STK38L: variants seen among roughly 807,000 people sequenced by gnomAD.
STK38L encodes serine/threonine kinase 38 like.
In STK38L, 28 loss-of-function variants were observed where a neutral mutation model predicts 59.7. The ratio of observed to expected loss-of-function variants is 0.47; its 90% CI spans 0.35 to 0.64. The LOEUF is 0.64. Ranked by LOEUF, STK38L falls within the 30% of genes least tolerant of loss-of-function variation. STK38L has a pLI of 0.01. For missense variants in STK38L, 314 were observed against 555.8 expected (o/e 0.56, Z 4.37); for synonymous variants, 162 against 176.8 (o/e 0.92, Z 0.66).
intron 1 of STK38L, among the ~76,000 whole-genome samples, chr12:27,284,911 A>G (rs1028794923): frequency 1.3e-5 from 2 of 152,218 alleles, no homozygotes; most frequent in Non-Finnish European, 1.5e-5. Flanking sequence ...GCGGAAGTCA[A>G]GTGGTCTGTG....
At chr12:27,244,353 C>A (rs1414389271) in intron 1 of STK38L, 21 bp downstream of exon 1, 1 of 152,338 alleles carries the variant, frequency 6.6e-6, no homozygotes, top group Admixed American at 6.5e-5. Flanking sequence ...GGATGTAGCG[C>A]TCGGCTGAGG....
At chr12:27,317,587 A>C in intron 10 of STK38L, 134 bp downstream of exon 10, 1 of 806,720 alleles carries the variant, frequency 1.2e-6, no homozygotes, top group South Asian at 1.8e-5. Context: ...CCCAATGTTA[A>C]ATACATACTG....
chr12:27,254,310 TCTCTA>T (rs1170619744), intron 1 of STK38L, among the ~76,000 whole-genome samples: 3 of 152,324 alleles, frequency 2.0e-5, no homozygotes, highest in African/African-American at 4.8e-5. Context: ...TCTTTTCTCC[TCTCTA>T]CTCTAAGCCT....
chr12:27,309,511 C>T (rs929244715), intron 5 of STK38L, among the ~76,000 whole-genome samples: 1 of 152,182 alleles, frequency 6.6e-6, no homozygotes, highest in East Asian at 1.9e-4. Context: ...TCTGGTGAGG[C>T]CTCTCTTCCT....
chr12:27,271,739 A>T (rs1943427513), intron 1 of STK38L, among the ~76,000 whole-genome samples: 1 of 152,120 alleles, frequency 6.6e-6, no homozygotes, highest in South Asian at 2.1e-4. Flanking sequence ...TTGCTCTGTC[A>T]CCCAGGCTGG....
intron 1 of STK38L, among the ~76,000 whole-genome samples, chr12:27,287,832 A>G (rs1943807912): frequency 6.6e-6 from 1 of 152,088 alleles, no homozygotes; most frequent in South Asian, 2.1e-4. Context: ...TCCTCTTCCC[A>G]TAATCTATGA....
At chr12:27,267,257 A>G (rs1365664507) in intron 1 of STK38L, among the ~76,000 whole-genome samples, 3 of 152,164 alleles carry the variant, frequency 2.0e-5, no homozygotes, top group Non-Finnish European at 4.4e-5. Flanking sequence ...ATAAAGGAAA[A>G]TGAAACATCA....
chr12:27,281,952 C>T lies in STK38L; in HGVS notation c.-11-15758C>T, dbSNP rs558186504. Among the ~76,000 whole-genome samples, 7 of 152,294 alleles carry T rather than the reference C, an allele frequency of 4.6e-5. No homozygotes were observed. In the East Asian group the frequency reaches 1.2e-3, roughly 25 times the overall value. ...TTGGGAGGCTGATACCGGAGAATTG[C>T]TTTAACCCGGGAGGCTGAGGCTGCA... On this transcript the variant is annotated intron_variant, in intron 1 of 13. Coordinates refer to ENST00000389032, the MANE Select transcript of STK38L (RefSeq NM_015000.4).
intron 12 of STK38L, among the ~76,000 whole-genome samples, chr12:27,320,686 TATA>T (rs757956529): frequency 1.3e-4 from 20 of 152,038 alleles, no homozygotes; most frequent in Non-Finnish European, 2.5e-4. Flanking sequence ...ATATAAGCTC[TATA>T]AAATAGGAAC....
Position 27,308,890 on chromosome 12 carries a change from A to ATATT in STK38L, c.310-224_310-223insTATT, listed in dbSNP as rs1193148530. Among the ~76,000 whole-genome samples, 3 of 145,484 alleles carry ATATT rather than the reference A, an allele frequency of 2.1e-5. No individual in the cohort carries two copies. The highest frequency in any genetic ancestry group is 3.0e-5 in the Non-Finnish European group (2 of 66,374). ...TATAAATATAAATATATATAAATGT[A>ATATT]AATATATAAATATATATAAATATAT... On this transcript the variant is annotated intron_variant, in intron 4 of 13. Coordinates refer to ENST00000389032, the MANE Select transcript of STK38L (RefSeq NM_015000.4). The surrounding 1 kb of genome is among the most constrained non-coding windows in gnomAD (Gnocchi z 4.5).
chr12:27,265,720 T>G (rs939800725), intron 1 of STK38L, among the ~76,000 whole-genome samples: 2 of 152,246 alleles, frequency 1.3e-5, no homozygotes, highest in African/African-American at 4.8e-5. Flanking sequence ...TTGGCTGTAA[T>G]GAAAGTATTG....
chr12:27,308,220 T>C lies in STK38L; in HGVS notation c.187-119T>C, dbSNP rs1944362424. 3.2e-6 allele frequency: 3 copies of C among 927,352 alleles called. No homozygotes were observed. Among genetic ancestry groups the C allele is most frequent in the Non-Finnish European group, 4.3e-6 (3 of 694,908 alleles). The allele number at this position is 927,352 out of a possible 1,614,324, so 57.4% of individuals were successfully genotyped here. A position where few individuals can be genotyped will look rare whatever the true frequency, so the allele number is the denominator to read the frequency against. On this transcript the variant is annotated intron_variant, in intron 3 of 13. Transcript: ENST00000389032. The surrounding 1 kb of genome is among the most constrained non-coding windows in gnomAD (Gnocchi z 4.5). ...TTTTCTTTAAATTGTTTTAGCCTAA[T>C]AGTATATTACATATTAGTGCTATCA...
intron 1 of STK38L, among the ~76,000 whole-genome samples, chr12:27,276,357 A>T (rs1231698168): frequency 1.3e-5 from 2 of 152,214 alleles, no homozygotes; most frequent in Non-Finnish European, 2.9e-5. Flanking sequence ...AGTCATGATA[A>T]TTGAAACAAA....
chr12:27,287,609 T>C (rs1943802555), intron 1 of STK38L, among the ~76,000 whole-genome samples: 1 of 152,206 alleles, frequency 6.6e-6, no homozygotes, highest in Non-Finnish European at 1.5e-5. Context: ...ATCTATATTT[T>C]CCTCTAATTT....
chr12:27,325,788 A>C lies in STK38L; in HGVS notation c.*3333A>C, dbSNP rs1388238141. On this transcript the variant is annotated 3_prime_UTR_variant, in exon 14 of 14. Coordinates refer to ENST00000389032, the MANE Select transcript of STK38L (RefSeq NM_015000.4). ...TGCTTTAAAAAGGAATAAAGTAATA[A>C]AAATATATCTCAGCTATTTTTTTAA... The C allele has an allele frequency of 6.6e-6, 1 of 152,184 alleles. No individual in the cohort carries two copies. The highest frequency in any genetic ancestry group is 1.5e-5 in the Non-Finnish European group (1 of 68,022). The allele number at this position is 152,184 out of a possible 1,614,324, so 9.4% of individuals were successfully genotyped here. A position where few individuals can be genotyped will look rare whatever the true frequency, so the allele number is the denominator to read the frequency against.
At chr12:27,247,917 C>G (rs1320796631) in intron 1 of STK38L, among the ~76,000 whole-genome samples, 1 of 151,234 alleles carries the variant, frequency 6.6e-6, no homozygotes, top group Non-Finnish European at 1.5e-5. Context: ...CAGGCTCAAG[C>G]GATCCTCCCA....
intron 1 of STK38L, among the ~76,000 whole-genome samples, chr12:27,259,454 C>T (rs115555299): frequency 9.4e-4 from 143 of 152,164 alleles, no homozygotes; most frequent in African/African-American, 3.3e-3. Flanking sequence ...TTTTTGCTGT[C>T]GTTCTCCTAG....
chr12:27,294,249 G>C (rs575991999), intron 1 of STK38L, among the ~76,000 whole-genome samples: 11 of 151,734 alleles, frequency 7.2e-5, no homozygotes, highest in Admixed American at 3.9e-4. Flanking sequence ...GCTAGGCAAG[G>C]TGGCTTGTAC....
chr12:27,252,201 A>G lies in STK38L; in HGVS notation c.-12+7869A>G, dbSNP rs542505036. ...TCACCGTGTTAGCCAGGATGGTCTC[A>G]ATCTCCTGACCTCGTGATCCGCCTG... is the stretch of plus-strand genomic sequence containing the variant. On this transcript the variant is annotated intron_variant, in intron 1 of 13. Transcript: ENST00000389032. Among the ~76,000 whole-genome samples, 1,051 of 152,164 alleles carry G rather than the reference A, an allele frequency of 6.9e-3. 6 individuals are homozygous for G. Among genetic ancestry groups the G allele is most frequent in the Non-Finnish European group, 0.011 (724 of 67,970 alleles).
Sources: allele counts gnomAD v4.1 joint callset (sites outside exome capture counted in the v4.1 genomes callset), GRCh38; gene constraint gnomAD v4.1.1; non-coding constraint Gnocchi (gnomAD v3.1); transcripts MANE v1.5; gene names NCBI Gene and HGNC (gene_info 2026-07-23, HGNC 2026-07-21).